FBXO34: variants seen among roughly 807,000 people sequenced by gnomAD.
FBXO34 encodes the protein F-box only protein 34.
In FBXO34, 12 loss-of-function variants were observed where a neutral mutation model predicts 24.5. The ratio of observed to expected loss-of-function variants is 0.49; its 90% CI spans 0.31 to 0.79. FBXO34 has a LOEUF of 0.79. FBXO34 is among the 30% of genes least tolerant of loss of function. FBXO34 has a pLI of 0.04. For synonymous variants in FBXO34, 320 were observed against 311.9 expected (o/e 1.03, Z -0.27); for missense variants, 823 against 857.7 (o/e 0.96, Z 0.51).
At chr14:55,312,441 G>A (rs1426679494) in intron 1 of FBXO34, among the ~76,000 whole-genome samples, 1 of 152,128 alleles carries the variant, frequency 6.6e-6, no homozygotes, top group East Asian at 1.9e-4. Flanking sequence ...GAGGATGGTG[G>A]CCCTCTTCTC....
At chr14:55,278,047 C>T (rs1881402555) in intron 1 of FBXO34, among the ~76,000 whole-genome samples, 1 of 152,164 alleles carries the variant, frequency 6.6e-6, no homozygotes, top group Non-Finnish European at 1.5e-5. Flanking sequence ...CACCGAGAAC[C>T]ATGTCGTTGA....
rs58194693 is a variant in FBXO34 at position 55,338,048 on chromosome 14, C to CTTT, written c.-10-12316_-10-12314dup. Among the ~76,000 whole-genome samples, 119 of 88,246 alleles carry CTTT rather than the reference C, an allele frequency of 1.3e-3. 18 individuals carry two copies. The highest frequency in any genetic ancestry group is 9.6e-3 in the South Asian group (23 of 2,390). 57.9% of individuals were successfully genotyped at this position (88,246 alleles called of 152,430 possible). A position where few individuals can be genotyped will look rare whatever the true frequency, so the allele number is the denominator to read the frequency against. On this transcript the variant is annotated intron_variant, in intron 1 of 1. Transcript: ENST00000313833. ...CAATTGGAGATAAGAGTATGTACTTCTTTTTTTTTTTTTTTTTTTGAGATG... is the reference window on the plus strand; with the variant it reads ...CAATTGGAGATAAGAGTATGTACTTCTTTTTTTTTTTTTTTTTTTTTTGAGATG...
At chr14:55,287,586 C>T (rs924136419) in intron 1 of FBXO34, among the ~76,000 whole-genome samples, 2 of 152,012 alleles carry the variant, frequency 1.3e-5, no homozygotes, top group African/African-American at 2.4e-5. Flanking sequence ...GCTTTCAGTC[C>T]CCACCTATGA....
At chr14:55,337,626 A>G (rs899991102) in intron 1 of FBXO34, among the ~76,000 whole-genome samples, 2 of 152,246 alleles carry the variant, frequency 1.3e-5, no homozygotes, top group Admixed American at 6.5e-5. Flanking sequence ...ATCTCTCTCA[A>G]ATGTGCCTTG....
chr14:55,382,265 T>C, the FBXO34 span: 2 of 1,346,236 alleles, frequency 1.5e-6, no homozygotes, highest in Non-Finnish European at 2.1e-6. Context: ...CTGCAAGACA[T>C]GCTAGAACAT....
the FBXO34 span, among the ~76,000 whole-genome samples, chr14:55,419,934 A>G: frequency 6.6e-6 from 1 of 152,226 alleles, no homozygotes; most frequent in Non-Finnish European, 1.5e-5. Flanking sequence ...ATCTCTGTAG[A>G]GTACCCAGTT....
rs539563540 is a variant in FBXO34, at chr14:55,319,226, A to G, written c.-10-31155A>G. Among the ~76,000 whole-genome samples, 9 of 152,328 alleles carry G rather than the reference A, an allele frequency of 5.9e-5. No homozygotes were observed. The South Asian group carries it at 1.9e-3, about 32-fold the overall frequency. On this transcript the variant is annotated intron_variant, in intron 1 of 1. Coordinates refer to ENST00000313833, the MANE Select transcript of FBXO34 (RefSeq NM_017943.4). ...GATTTTTGTGGTTCAAGACAATGAC[A>G]GCTGTATCTAAAAGAAATAAATACC...
At chr14:55,293,386 G>T (rs1882011676) in intron 1 of FBXO34, among the ~76,000 whole-genome samples, 1 of 152,130 alleles carries the variant, frequency 6.6e-6, no homozygotes, top group Admixed American at 6.6e-5. Flanking sequence ...CCCTTGCCAT[G>T]TTGGCCAGGC....
At position 55,284,646 on chromosome 14, in the gene FBXO34, G is replaced by T. The variant is rs1881696123; in HGVS notation, c.-11+13109G>T. 2.1e-5 allele frequency among the ~76,000 whole-genome samples: 3 copies of T among 145,306 alleles called. 1 individual carries two copies. The highest frequency in any genetic ancestry group is 6.9e-5 in the Admixed American group (1 of 14,496). ...CTTTTTTTTTTTTTTTTTGAAACAGGGTCTCTGTCACCCAAGCTAGAGTGT... is the reference window on the plus strand; with the variant it reads ...CTTTTTTTTTTTTTTTTTGAAACAGTGTCTCTGTCACCCAAGCTAGAGTGT... On this transcript the variant is annotated intron_variant, in intron 1 of 1. Transcript: ENST00000313833.
At chr14:55,349,448 G>C (rs949090880) in intron 1 of FBXO34, among the ~76,000 whole-genome samples, 5 of 151,932 alleles carry the variant, frequency 3.3e-5, no homozygotes, top group Non-Finnish European at 5.9e-5. Flanking sequence ...ATTTAAGATG[G>C]TTACAGGAAA....
intron 1 of FBXO34, among the ~76,000 whole-genome samples, chr14:55,279,185 G>T (rs944266172): frequency 2.0e-5 from 3 of 151,876 alleles, no homozygotes; most frequent in Admixed American, 6.6e-5. Flanking sequence ...TACTTGGTAG[G>T]CTGAGGCAGA....
At chr14:55,313,508 C>T (rs933343181) in intron 1 of FBXO34, among the ~76,000 whole-genome samples, 4 of 152,146 alleles carry the variant, frequency 2.6e-5, no homozygotes, top group African/African-American at 9.7e-5. Context: ...CTCTTGATAT[C>T]AATTTACTGT....
chr14:55,441,091 C>A, the FBXO34 span, among the ~76,000 whole-genome samples: 1 of 152,164 alleles, frequency 6.6e-6, no homozygotes, highest in Admixed American at 6.5e-5. Context: ...GGTGATCCAC[C>A]CGCCTCGGCC....
intron 1 of FBXO34, among the ~76,000 whole-genome samples, chr14:55,331,671 GTA>G (rs1167083082): frequency 0.04 from 1,826 of 45,548 alleles, 334 homozygotes; most frequent in Non-Finnish European, 0.055. Context: ...CATGGTGTGT[GTA>G]TATATATATA....
chr14:55,299,951 C>A (rs1882291101), intron 1 of FBXO34, among the ~76,000 whole-genome samples: 2 of 152,196 alleles, frequency 1.3e-5, no homozygotes, highest in Non-Finnish European at 1.5e-5. Flanking sequence ...CCTCCAACTT[C>A]CCCCTCCTGA....
At chr14:55,413,680 CT>C in the FBXO34 span, 2 of 343,470 alleles carry the variant, frequency 5.8e-6, no homozygotes, top group Non-Finnish European at 1.2e-5. Flanking sequence ...CCTTTGACGT[CT>C]TTTTCTGATT....
At chr14:55,281,247 C>T (rs1418992878) in intron 1 of FBXO34, among the ~76,000 whole-genome samples, 1 of 129,934 alleles carries the variant, frequency 7.7e-6, no homozygotes, top group Non-Finnish European at 1.6e-5. Flanking sequence ...GAGTGAGACC[C>T]GACTCCTTAA....
At chr14:55,316,999 T>G (rs1222405880) in intron 1 of FBXO34, among the ~76,000 whole-genome samples, 1 of 152,176 alleles carries the variant, frequency 6.6e-6, no homozygotes, top group South Asian at 2.1e-4. Context: ...TAAGCTTCAC[T>G]GGGGGATGAT....
At chr14:55,370,643 T>C (rs138266041), downstream of FBXO34, among the ~76,000 whole-genome samples, 1 of 151,890 alleles carries the variant, frequency 6.6e-6, no homozygotes, top group African/African-American at 2.4e-5. Context: ...CTTTCTGCAT[T>C]TCTTTTTTTT....
Sources: gnomAD v4.1 joint callset for allele counts (sites outside exome capture counted in the v4.1 genomes callset) on GRCh38, gnomAD v4.1.1 for gene constraint, MANE v1.5 for transcripts, NCBI Gene and HGNC (gene_info 2026-07-23, HGNC 2026-07-21) for gene names.